SLC5A4: variants seen among roughly 807,000 people sequenced by gnomAD.
SLC5A4 encodes solute carrier family 5 member 4, also known as probable glucose sensor protein SLC5A4.
A neutral mutation model predicts 70.3 loss-of-function variants in SLC5A4; 55 were observed. The ratio of observed to expected loss-of-function variants is 0.78; its 90% CI spans 0.63 to 0.98. The LOEUF is 0.98. SLC5A4 is among the 50% of genes least tolerant of loss of function. The pLI is 0.00. For synonymous variants in SLC5A4, 268 were observed against 305.7 expected, an observed-to-expected ratio of 0.88 and a Z score of 1.29; for missense variants, 735 against 839.2, an observed-to-expected ratio of 0.88 and a Z score of 1.53.
chr22:32,351,957 G>A, the SLC5A4 span, among the ~76,000 whole-genome samples: 2 of 151,150 alleles, frequency 1.3e-5, no homozygotes, highest in Non-Finnish European at 2.9e-5. Flanking sequence ...AACCAGGCTG[G>A]AAAAAAAGAA....
intron 3 of SLC5A4, among the ~76,000 whole-genome samples, chr22:32,250,792 C>A (rs1384503796): frequency 2.0e-5 from 3 of 152,026 alleles, no homozygotes; most frequent in Non-Finnish European, 4.4e-5. Context: ...AGGATGAGTT[C>A]ATGTCCTTTG....
At chr22:32,314,121 C>T in the SLC5A4 span, among the ~76,000 whole-genome samples, 53 of 152,342 alleles carry the variant, frequency 3.5e-4, no homozygotes, top group Non-Finnish European at 3.5e-4. Context: ...AGAACCTACT[C>T]TCCACTCTTT....
chr22:32,270,608 C>T, the SLC5A4 span: 7 of 737,212 alleles, frequency 9.5e-6, no homozygotes, highest in East Asian at 2.5e-5. Flanking sequence ...GGCTTTGCCA[C>T]GCAGGGCCCC....
At chr22:32,313,018 T>C in the SLC5A4 span, among the ~76,000 whole-genome samples, 3 of 152,006 alleles carry the variant, frequency 2.0e-5, no homozygotes, top group Non-Finnish European at 4.4e-5. Flanking sequence ...TATAGCTCCA[T>C]ATAGTACTAG....
the SLC5A4 span, among the ~76,000 whole-genome samples, chr22:32,267,996 C>T: frequency 8.8e-4 from 134 of 152,106 alleles, no homozygotes; most frequent in African/African-American, 2.9e-3. Flanking sequence ...TGGTGGTGGG[C>T]GCCTGTAGTC....
the SLC5A4 span, among the ~76,000 whole-genome samples, chr22:32,293,651 A>T: frequency 6.6e-6 from 1 of 152,058 alleles, no homozygotes; most frequent in African/African-American, 2.4e-5. Context: ...CAGCCATCAA[A>T]TCAGCCATTC....
At chr22:32,318,139 T>G in the SLC5A4 span, among the ~76,000 whole-genome samples, 2 of 152,028 alleles carry the variant, frequency 1.3e-5, no homozygotes, top group Non-Finnish European at 2.9e-5. Context: ...CAGCCCCTTG[T>G]TGGTCCGTCC....
the SLC5A4 span, among the ~76,000 whole-genome samples, chr22:32,351,737 T>TAGGG: frequency 3.8e-4 from 1 of 2,638 alleles, no homozygotes. Flanking sequence ...GTGGGGGCGG[T>TAGGG]GGGGGGAGGG....
chr22:32,315,952 A>G, the SLC5A4 span, among the ~76,000 whole-genome samples: 1 of 152,056 alleles, frequency 6.6e-6, no homozygotes, highest in African/African-American at 2.4e-5. Context: ...GTAGATCACG[A>G]GGTCAGGAGT....
the SLC5A4 span, among the ~76,000 whole-genome samples, chr22:32,354,268 C>A: frequency 2.1e-5 from 3 of 145,766 alleles, no homozygotes; most frequent in Admixed American, 7.1e-5. Flanking sequence ...TCAGTGTAGG[C>A]CCCAGAAAGC....
chr22:32,306,250 G>A, the SLC5A4 span, among the ~76,000 whole-genome samples: 7 of 152,136 alleles, frequency 4.6e-5, no homozygotes, highest in Admixed American at 1.3e-4. Context: ...CAGATCACGA[G>A]GTTAGGAGAT....
chr22:32,351,323 G>A, the SLC5A4 span, among the ~76,000 whole-genome samples: 3 of 152,060 alleles, frequency 2.0e-5, no homozygotes, highest in East Asian at 5.8e-4. Flanking sequence ...AACAGGATAT[G>A]AAAGCACAGC....
At chr22:32,351,955 T>C in the SLC5A4 span, among the ~76,000 whole-genome samples, 1 of 150,176 alleles carries the variant, frequency 6.7e-6, no homozygotes, top group Non-Finnish European at 1.5e-5. Flanking sequence ...AAAACCAGGC[T>C]GGAAAAAAAG....
At chr22:32,262,290 T>C in the SLC5A4 span, among the ~76,000 whole-genome samples, 3 of 152,250 alleles carry the variant, frequency 2.0e-5, no homozygotes, top group East Asian at 5.8e-4. Flanking sequence ...TTCCCATCAA[T>C]AGTGTGTGAG....
the SLC5A4 span, among the ~76,000 whole-genome samples, chr22:32,308,837 CATGTATGCAT>C: frequency 1.1e-4 from 16 of 152,174 alleles, no homozygotes; most frequent in East Asian, 3.9e-4. Context: ...TGTGTGCACC[CATGTATGCAT>C]ATGTATGCAT....
chr22:32,288,172 C>A, the SLC5A4 span, among the ~76,000 whole-genome samples: 1 of 152,074 alleles, frequency 6.6e-6, no homozygotes, highest in African/African-American at 2.4e-5. Flanking sequence ...CAATTTCAAG[C>A]TGGATTTGCT....
chr22:32,246,610 C>T (rs1463424001), intron 5 of SLC5A4, among the ~76,000 whole-genome samples: 1 of 152,150 alleles, frequency 6.6e-6, no homozygotes, highest in African/African-American at 2.4e-5. Flanking sequence ...TCACTGCAAC[C>T]TCTGCCTCCC....
chr22:32,314,244 A>G, the SLC5A4 span, among the ~76,000 whole-genome samples: 1 of 152,150 alleles, frequency 6.6e-6, no homozygotes, highest in Non-Finnish European at 1.5e-5. Flanking sequence ...TTTTCTCCAT[A>G]GCACACACCT....
At chr22:32,240,872 C>G (rs1349650490) in intron 5 of SLC5A4, among the ~76,000 whole-genome samples, 1 of 152,148 alleles carries the variant, frequency 6.6e-6, no homozygotes, top group African/African-American at 2.4e-5. Flanking sequence ...ATACTGCTAT[C>G]ATGGAATTTT....
Sources: gnomAD v4.1 joint callset for allele counts (sites outside exome capture counted in the v4.1 genomes callset) on GRCh38, gnomAD v4.1.1 for gene constraint, MANE v1.5 for transcripts, NCBI Gene and HGNC (gene_info 2026-07-23, HGNC 2026-07-21) for gene names.